DPP6: variants seen among roughly 807,000 people sequenced by gnomAD.
The protein encoded by DPP6 is dipeptidyl peptidase like 6, also known as A-type potassium channel modulatory protein DPP6.
Under a neutral mutation model 122.6 loss-of-function variants are expected in DPP6, and 69 were observed. The ratio of observed to expected loss-of-function variants is 0.56; its 90% CI spans 0.46 to 0.69. The LOEUF (loss-of-function observed/expected upper bound fraction) is 0.69, where lower values mean the gene tolerates loss of function less well. DPP6 is among the 30% of genes least tolerant of loss of function. DPP6 has a pLI of 0.00. For synonymous variants in DPP6, 418 were observed against 433.1 expected (o/e 0.97, Z 0.43); for missense variants, 928 against 1,116.9 (o/e 0.83, Z 2.41).
At chr7:154,579,219 G>A (rs928936212) in intron 5 of DPP6, among the ~76,000 whole-genome samples, 1 of 152,214 alleles carries the variant, frequency 6.6e-6, no homozygotes, top group African/African-American at 2.4e-5. Flanking sequence ...CATGGTGGTG[G>A]GCGCCTATAA....
chr7:154,533,832 T>A (rs1217503657), intron 3 of DPP6, among the ~76,000 whole-genome samples: 2 of 151,966 alleles, frequency 1.3e-5, no homozygotes, highest in Non-Finnish European at 2.9e-5. Flanking sequence ...ACTTAATCTC[T>A]ACAGAAATTT....
rs563530051 is a variant in DPP6 at position 154,481,490 on chromosome 7, A to AC, written c.457+6459dup. On this transcript the variant is annotated intron_variant, in intron 3 of 25. Coordinates refer to ENST00000377770, the MANE Select transcript of DPP6 (RefSeq NM_130797.4). The surrounding 1 kb of genome is among the most constrained non-coding windows in gnomAD (Gnocchi z 4.2). The stretch of plus-strand genomic sequence containing the variant: ...TCATCCTCCCCCAACCTCTTCACAG[A>AC]CCCCCCGCTGCCCACTGTGCGAGCA... Among the ~76,000 whole-genome samples, 2 of 137,700 alleles carry AC rather than the reference A, an allele frequency of 1.5e-5. No homozygotes were observed. Among genetic ancestry groups the AC allele is most frequent in the East Asian group, 2.4e-4 (1 of 4,230 alleles). 90.3% of individuals were successfully genotyped at this position (137,700 alleles called of 152,430 possible). A position where few individuals can be genotyped will look rare whatever the true frequency, so the allele number is the denominator to read the frequency against.
chr7:154,584,046 T>C (rs1361796105), intron 5 of DPP6, among the ~76,000 whole-genome samples: 1 of 152,134 alleles, frequency 6.6e-6, no homozygotes, highest in African/African-American at 2.4e-5. Context: ...CCACCTTACC[T>C]GTTATCTAAA....
chr7:154,406,307 G>T (rs967559935), intron 1 of DPP6, among the ~76,000 whole-genome samples: 3 of 152,126 alleles, frequency 2.0e-5, no homozygotes, highest in Non-Finnish European at 4.4e-5. Flanking sequence ...TCTCAATTTA[G>T]TCATGGTTTG....
At chr7:154,213,626 A>G (rs1799851151) in intron 1 of DPP6, among the ~76,000 whole-genome samples, 8 of 152,146 alleles carry the variant, frequency 5.3e-5, no homozygotes, top group Admixed American at 5.2e-4. Context: ...CCAGAAGATG[A>G]GCATTCTGTT....
chr7:154,512,228 TA>T (rs1826144210), intron 3 of DPP6, among the ~76,000 whole-genome samples: 1 of 152,240 alleles, frequency 6.6e-6, no homozygotes, highest in African/African-American at 2.4e-5. Context: ...AGTTTCTTTA[TA>T]AAAGCATAAT....
intron 1 of DPP6, among the ~76,000 whole-genome samples, chr7:154,170,930 G>T (rs1443491010): frequency 6.6e-6 from 1 of 152,190 alleles, no homozygotes; most frequent in Admixed American, 6.5e-5. Flanking sequence ...CCCTCGGTGG[G>T]TGAGTTAGGC....
chr7:154,736,355 G>A (rs1842569085), intron 8 of DPP6, among the ~76,000 whole-genome samples: 1 of 152,226 alleles, frequency 6.6e-6, no homozygotes, highest in Non-Finnish European at 1.5e-5. Context: ...CAAGCCTGTT[G>A]TCATAGCAAA....
intron 1 of DPP6, among the ~76,000 whole-genome samples, chr7:154,106,715 C>G (rs1370986411): frequency 2.6e-5 from 4 of 152,082 alleles, no homozygotes; most frequent in Non-Finnish European, 4.4e-5. Context: ...AGCTCACTGA[C>G]AACCCAGGCA....
At chr7:154,061,779 A>T (rs12667115) in intron 1 of DPP6, among the ~76,000 whole-genome samples, 1 of 94,524 alleles carries the variant, frequency 1.1e-5, no homozygotes, top group Non-Finnish European at 2.2e-5. Flanking sequence ...CATCGCAGGG[A>T]GGGAGGCACC....
At chr7:154,145,371 C>A (rs187096537) in intron 1 of DPP6, among the ~76,000 whole-genome samples, 1 of 152,132 alleles carries the variant, frequency 6.6e-6, no homozygotes, top group Non-Finnish European at 1.5e-5. Context: ...GTCCTACCAC[C>A]ACAGGGCCCT....
At chr7:153,932,162 C>G (rs1801200314) in intron 1 of DPP6, among the ~76,000 whole-genome samples, 1 of 149,812 alleles carries the variant, frequency 6.7e-6, no homozygotes, top group African/African-American at 2.4e-5. Context: ...ATTCTGTCAC[C>G]CAGGCTGGAG....
chr7:154,586,252 CTGAGGCAGGAGGATTATT>C (rs1029691932), intron 5 of DPP6, among the ~76,000 whole-genome samples: 1 of 152,052 alleles, frequency 6.6e-6, no homozygotes, highest in African/African-American at 2.4e-5. Flanking sequence ...CTTTAGGAGG[CTGAGGCAGGAGGATTATT>C]TGACCTTAAA....
intron 1 of DPP6, among the ~76,000 whole-genome samples, chr7:154,268,804 T>C (rs113673775): frequency 6.6e-6 from 1 of 152,028 alleles, no homozygotes; most frequent in African/African-American, 2.4e-5. Flanking sequence ...TTGAAACCAA[T>C]TTTTATCTCA....
At chr7:154,881,017 G>T in intron 21 of DPP6, 75 bp downstream of exon 21, 1 of 1,523,812 alleles carries the variant, frequency 6.6e-7, no homozygotes, top group Non-Finnish European at 8.8e-7. Flanking sequence ...GTCTAATCCT[G>T]ATTTATTGAG....
chr7:154,491,349 G>A (rs191924227), intron 3 of DPP6, among the ~76,000 whole-genome samples: 2 of 152,144 alleles, frequency 1.3e-5, no homozygotes, highest in Non-Finnish European at 2.9e-5. Flanking sequence ...GCTCCCCCAG[G>A]TTCTTCATTA....
At chr7:154,357,825 C>T (rs1811397582) in intron 1 of DPP6, among the ~76,000 whole-genome samples, 1 of 151,978 alleles carries the variant, frequency 6.6e-6, no homozygotes, top group Admixed American at 6.6e-5. Context: ...GCCTGTAATC[C>T]CAACTACTCG....
the DPP6 span, among the ~76,000 whole-genome samples, chr7:153,877,688 T>C: frequency 1.2e-3 from 186 of 152,262 alleles, no homozygotes; most frequent in Admixed American, 2.6e-3. Flanking sequence ...ATTAAATTGA[T>C]AAAAAGTGCA....
chr7:154,803,977 G>A (rs1254559511), intron 14 of DPP6, 22 bp downstream of exon 14: 1 of 1,610,930 alleles, frequency 6.2e-7, no homozygotes, highest in South Asian at 1.1e-5. Context: ...CCAGGGGCCT[G>A]CCCCATCTTA....
Sources: allele counts gnomAD v4.1 joint callset (sites outside exome capture counted in the v4.1 genomes callset), GRCh38; gene constraint gnomAD v4.1.1; non-coding constraint Gnocchi (gnomAD v3.1); transcripts MANE v1.5; gene names NCBI Gene and HGNC (gene_info 2026-07-23, HGNC 2026-07-21).